BAZ1B: variants seen among roughly 807,000 people sequenced by gnomAD.
BAZ1B encodes tyrosine-protein kinase BAZ1B.
BAZ1B carries 22 observed loss-of-function variants against 153.8 expected under a neutral mutation model. The ratio of observed to expected loss-of-function variants is 0.14; its 90% CI spans 0.10 to 0.20. The LOEUF is 0.20. BAZ1B is among the 10% of genes least tolerant of loss of function. BAZ1B has a pLI of 1.00. For missense variants in BAZ1B, 1,325 were observed against 1,799.3 expected, an observed-to-expected ratio of 0.74 and a Z score of 4.77; for synonymous variants, 676 against 633.4, an observed-to-expected ratio of 1.07 and a Z score of -1.01.
At chr7:73,515,531 CTTTTTTTTTTTTT>C (rs869065388) in intron 1 of BAZ1B, among the ~76,000 whole-genome samples, 4 of 111,398 alleles carry the variant, frequency 3.6e-5, no homozygotes, top group East Asian at 2.6e-4. Context: ...AGCCTTGTTC[CTTTTTTTTTTTTT>C]TTTTTTTTTT....
chr7:73,483,515 ATATT>A (rs1252717461), intron 6 of BAZ1B, among the ~76,000 whole-genome samples: 2 of 152,226 alleles, frequency 1.3e-5, no homozygotes, highest in Admixed American at 6.5e-5. Flanking sequence ...ACTATAAAAT[ATATT>A]TAAAGTGTTC....
At chr7:73,484,945 T>C (rs1422373669) in intron 6 of BAZ1B, among the ~76,000 whole-genome samples, 1 of 152,192 alleles carries the variant, frequency 6.6e-6, no homozygotes, top group Non-Finnish European at 1.5e-5. Context: ...ATGGATCCTA[T>C]TAAAGCAAAA....
intron 13 of BAZ1B, among the ~76,000 whole-genome samples, chr7:73,458,949 A>G (rs1253816603): frequency 1.3e-5 from 2 of 152,180 alleles, no homozygotes; most frequent in African/African-American, 4.8e-5. Context: ...CCTTTTTAAA[A>G]AAGAAAGTAA....
At chr7:73,515,409 AAT>A (rs1790756234) in intron 1 of BAZ1B, among the ~76,000 whole-genome samples, 2 of 152,262 alleles carry the variant, frequency 1.3e-5, no homozygotes, top group South Asian at 2.1e-4. Flanking sequence ...GAGCAGATGT[AAT>A]ATATGTCACT....
chr7:73,481,302 C>T (rs1017355598), intron 6 of BAZ1B, among the ~76,000 whole-genome samples: 4 of 151,908 alleles, frequency 2.6e-5, no homozygotes, highest in African/African-American at 7.2e-5. Context: ...CCGAGGCAGG[C>T]GGATCATGAG....
Position 73,442,726 on chromosome 7 carries a change from T to C in BAZ1B, c.4093A>G (p.Arg1365Gly). ...TGCACCTGAGAACACAGCACTCACC[T>C]GAAGGGCCAGCTGAAGCGGTACTTC... Reference protein sequence around the residue: ...IVKYRFSWPFREPVTRDEAED... With the variant: ...IVKYRFSWPFGEPVTRDEAED... Residue 1365 changes from arginine to glycine, a missense_variant and splice_region_variant, in exon 18 of 20, where the codon AGG becomes GGG. Arg to Gly is a moderately radical substitution (Grantham distance 125, BLOSUM62 -2). Coordinates refer to ENST00000339594, the MANE Select transcript of BAZ1B (RefSeq NM_032408.4). 6.2e-7 allele frequency: 1 copy of C among 1,613,930 alleles called. No homozygotes were observed. The highest frequency in any genetic ancestry group is 8.5e-7 in the Non-Finnish European group (1 of 1,179,920).
chr7:73,443,047 C>T (rs1554565536), intron 17 of BAZ1B, among the ~76,000 whole-genome samples: 3 of 152,174 alleles, frequency 2.0e-5, no homozygotes, highest in Admixed American at 6.5e-5. Flanking sequence ...CCCGGGGCCA[C>T]GGCAATCAAA....
chr7:73,513,661 G>A (rs1455503466), intron 1 of BAZ1B, among the ~76,000 whole-genome samples: 6 of 152,092 alleles, frequency 3.9e-5, no homozygotes, highest in Admixed American at 3.9e-4. Context: ...AGTAAAATAA[G>A]GACAGAGGAG....
intron 15 of BAZ1B, among the ~76,000 whole-genome samples, chr7:73,448,616 T>C (rs1280572051): frequency 2.6e-5 from 4 of 152,158 alleles, no homozygotes; most frequent in African/African-American, 4.8e-5. Flanking sequence ...CAAGCACTTT[T>C]CAAAAGCGCA....
At chr7:73,460,207 A>G (rs1788348280) in intron 12 of BAZ1B, among the ~76,000 whole-genome samples, 1 of 151,232 alleles carries the variant, frequency 6.6e-6, no homozygotes, top group Admixed American at 6.6e-5. Flanking sequence ...AAAAAAAAAA[A>G]AAAAAAAAAA....
chr7:73,509,057 C>T (rs1326543261), intron 2 of BAZ1B, among the ~76,000 whole-genome samples: 1 of 150,878 alleles, frequency 6.6e-6, no homozygotes, highest in African/African-American at 2.4e-5. Flanking sequence ...CGTGGTGGCT[C>T]ACACCTGTAA....
Position 73,452,438 on chromosome 7 carries a change from G to A in BAZ1B, c.3433-1444C>T, listed in dbSNP as rs529223393. 1.7e-4 allele frequency among the ~76,000 whole-genome samples: 26 copies of A among 152,122 alleles called. No individual in the cohort carries two copies. In the South Asian group the frequency reaches 5.2e-3, roughly 30 times the overall value. ...TCACAATGGTGCAAAAGTGATACAC[G>A]TTCGGCCGGGCGTGGTGGCTCACAC... is the stretch of plus-strand genomic sequence containing the variant. On this transcript the variant is annotated intron_variant, in intron 13 of 19. Coordinates refer to ENST00000339594, the MANE Select transcript of BAZ1B (RefSeq NM_032408.4).
intron 4 of BAZ1B, among the ~76,000 whole-genome samples, chr7:73,497,739 T>C (rs1563394337): frequency 6.6e-6 from 1 of 152,174 alleles, no homozygotes; most frequent in East Asian, 1.9e-4. Flanking sequence ...TATGTGGACC[T>C]GTACAGTTCA....
At position 73,460,690 on chromosome 7, in the gene BAZ1B, T is replaced by C. The variant is rs184722701; in HGVS notation, c.3250-972A>G. On this transcript the variant is annotated intron_variant, in intron 12 of 19. Transcript: ENST00000339594. ...TTTTAGAGACAGGGTCTCACTATGTTGCGCAGGCTGGTCTCAAACTCCTGG... is the reference window on the plus strand; with the variant it reads ...TTTTAGAGACAGGGTCTCACTATGTCGCGCAGGCTGGTCTCAAACTCCTGG... Among the ~76,000 whole-genome samples, 736 of 152,286 alleles carry C rather than the reference T, an allele frequency of 4.8e-3. 14 individuals carry two copies. The highest frequency in any genetic ancestry group is 0.016 in the African/African-American group (667 of 41,576).
At chr7:73,505,985 C>T (rs1365980156) in intron 3 of BAZ1B, among the ~76,000 whole-genome samples, 5 of 152,202 alleles carry the variant, frequency 3.3e-5, no homozygotes, top group Non-Finnish European at 5.9e-5. Context: ...TTTAAATGTA[C>T]AAGGCTACCT....
At chr7:73,447,132 C>A (rs1787866486) in intron 16 of BAZ1B, 132 bp downstream of exon 16, 1 of 1,520,184 alleles carries the variant, frequency 6.6e-7, no homozygotes. Context: ...AGCTAAGTTA[C>A]GCCACAGTCA....
intron 3 of BAZ1B, 53 bp from the exon 4 acceptor site, chr7:73,498,751 A>T (rs1790014311): frequency 6.6e-7 from 1 of 1,513,762 alleles, no homozygotes; most frequent in Admixed American, 1.7e-5. Context: ...CAGAAACCTG[A>T]AGATGTTTAG....
chr7:73,499,183 G>A (rs539685560), intron 3 of BAZ1B, among the ~76,000 whole-genome samples: 117 of 152,002 alleles, frequency 7.7e-4, no homozygotes, highest in Non-Finnish European at 1.4e-3. Context: ...ACGCACCATC[G>A]TGCCAGGCTA....
intron 2 of BAZ1B, among the ~76,000 whole-genome samples, chr7:73,509,044 G>A (rs1790466498): frequency 6.6e-6 from 1 of 150,828 alleles, no homozygotes; most frequent in African/African-American, 2.4e-5. Context: ...ACTTTTGGCT[G>A]GGCGTGGTGG....
Sources: allele counts gnomAD v4.1 joint callset (sites outside exome capture counted in the v4.1 genomes callset), GRCh38; gene constraint gnomAD v4.1.1; transcripts MANE v1.5; gene names NCBI Gene and HGNC (gene_info 2026-07-23, HGNC 2026-07-21).